Variants in TMEM41A observed in about 807,000 individuals in gnomAD.
TMEM41A encodes the protein transmembrane protein 41A.
A neutral mutation model predicts 25.7 loss-of-function variants in TMEM41A; 20 were observed. The ratio of observed to expected loss-of-function variants is 0.78; its 90% CI spans 0.55 to 1.13. The LOEUF is 1.13. Ranked by LOEUF, TMEM41A falls within the 50% of genes most tolerant of loss-of-function variation. The pLI, the probability that TMEM41A is intolerant of heterozygous loss-of-function variation, is 0.00. For synonymous variants in TMEM41A, 133 were observed against 139.6 expected, an observed-to-expected ratio of 0.95 and a Z score of 0.33; for missense variants, 299 against 314.3, an observed-to-expected ratio of 0.95 and a Z score of 0.37.
intron 4 of TMEM41A, chr3:185,492,625 C>G (rs912357887): frequency 6.6e-6 from 1 of 152,188 alleles, no homozygotes; most frequent in Non-Finnish European, 1.5e-5. Flanking sequence ...GTTAAAAAAC[C>G]ACATCCTTGG....
At chr3:185,498,767 G>A (rs1719187114) in intron 1 of TMEM41A, 76 bp downstream of exon 1, 3 of 1,108,338 alleles carry the variant, frequency 2.7e-6, no homozygotes, top group Non-Finnish European at 3.8e-6. Context: ...CCGAATCTCC[G>A]AATCTCCGAT....
At chr3:185,494,449 G>A in intron 4 of TMEM41A, 174 bp downstream of exon 4, 2 of 732,144 alleles carry the variant, frequency 2.7e-6, no homozygotes, top group East Asian at 5.8e-5. Context: ...TTTTCATGTT[G>A]AAGCCTGAGC....
At chr3:185,498,637 C>G in intron 1 of TMEM41A, 1 of 543,796 alleles carries the variant, frequency 1.8e-6, no homozygotes, top group Non-Finnish European at 3.2e-6. Flanking sequence ...CCAGTCAGGC[C>G]CGGAGCCGGG....
intron 3 of TMEM41A, 175 bp downstream of exon 3, chr3:185,494,979 G>C: frequency 1.1e-6 from 1 of 945,806 alleles, no homozygotes. Context: ...GGTAATGATG[G>C]AGCTGGGATT....
chr3:185,492,355 CAGA>C (rs1560146444), intron 4 of TMEM41A: 3 of 151,912 alleles, frequency 2.0e-5, no homozygotes, highest in African/African-American at 2.4e-5. Flanking sequence ...AAAATGCGTG[CAGA>C]AGAATACAAG....
rs747675430 is a variant in TMEM41A, at chr3:185,498,876, C to G, written c.86G>C (p.Arg29Pro). The change falls in exon 1 of 5, where the codon CGG becomes CCG. Residue 29 changes from arginine (R) to proline (P), a missense_variant. Physicochemically the swap from Arg to Pro is moderately radical, Grantham distance 103. Coordinates refer to ENST00000421852, the MANE Select transcript of TMEM41A (RefSeq NM_080652.4). Reference protein sequence around the residue: ...YLLSTRLPRGRRLGSTEEAGG... With the variant: ...YLLSTRLPRGPRLGSTEEAGG... ...AGCCTCCTCGGTGGAGCCCAGTCTC[C>G]GCCCGCGGGGCAGTCGCGTCGACAG... 1.2e-6 allele frequency: 2 copies of G among 1,606,178 alleles called. No individual in the cohort carries two copies. Among genetic ancestry groups the G allele is most frequent in the Middle Eastern group, 3.3e-4 (2 of 6,014 alleles).
At chr3:185,491,853 T>C (rs1040556767) in intron 4 of TMEM41A, 96 bp from the exon 5 acceptor site, 5 of 915,572 alleles carry the variant, frequency 5.5e-6, no homozygotes, top group Non-Finnish European at 8.1e-6. Flanking sequence ...ACTACGGTTT[T>C]TTTTTGCTTG....
intron 1 of TMEM41A, 65 bp downstream of exon 1, chr3:185,498,778 T>A: frequency 1.6e-6 from 2 of 1,219,188 alleles, no homozygotes. Context: ...AATCTCCGAT[T>A]CCCAGCCCCG....
chr3:185,492,352 G>T (rs375740674), intron 4 of TMEM41A: 5 of 151,892 alleles, frequency 3.3e-5, no homozygotes, highest in Admixed American at 2.6e-4. Flanking sequence ...AGCAAAATGC[G>T]TGCAGAAGAA....
Position 185,496,838 on chromosome 3 carries a change from G to A in TMEM41A, c.263C>T (p.Ser88Phe), listed in dbSNP as rs200806971. 9.1e-5 allele frequency: 147 copies of A among 1,606,806 alleles called. No individual in the cohort carries two copies. The highest frequency in any genetic ancestry group is 1.7e-4 in the Middle Eastern group (1 of 6,058). Residue 88 changes from serine to phenylalanine, a missense_variant, in exon 2 of 5, where the codon TCC (serine) becomes TTC (phenylalanine). Coordinates refer to ENST00000421852, the MANE Select transcript of TMEM41A (RefSeq NM_080652.4). ...LYKQGFAIPG[S>F]SFLNVLAGAL... The stretch of plus-strand genomic sequence containing the variant: ...GGGCAGGACACTGACCAGGAAGCTG[G>A]AGCCGGGGATGGCAAAGCCCTGTTT...
rs780804529 is a variant in TMEM41A at position 185,498,869 on chromosome 3, C to T, written c.93G>A (p.Leu31=). ...LSTRLPRGRR[L]GSTEEAGGRS... ...TGCCTCCAGCCTCCTCGGTGGAGCC[C>T]AGTCTCCGCCCGCGGGGCAGTCGCG... is the stretch of plus-strand genomic sequence containing the variant. Residue 31 remains leucine (L), a synonymous_variant, in exon 1 of 5, where the codon CTG becomes CTA. Transcript: ENST00000421852. 1.2e-6 allele frequency: 2 copies of T among 1,606,288 alleles called. No homozygotes were observed. Among genetic ancestry groups the T allele is most frequent in the Non-Finnish European group, 1.7e-6 (2 of 1,177,220 alleles).
rs769344532 is a variant in TMEM41A, at chr3:185,494,723, CAAT to C, written c.471_473del (p.Leu158del). The C allele has an allele frequency of 5.7e-4, 915 of 1,609,760 alleles. No homozygotes were observed. The highest frequency in any genetic ancestry group is 7.2e-4 in the Non-Finnish European group (854 of 1,178,816). ...GTGTCATGGGGAAAAGTCTCAAAAA[CAAT>C]AAGAAAAAAAACAAGCTGTTTCTGT... On this transcript the variant is annotated inframe_deletion, in exon 4 of 5. Transcript: ENST00000421852.
chr3:185,493,268 C>G (rs1027970114), intron 4 of TMEM41A: 2 of 152,166 alleles, frequency 1.3e-5, no homozygotes, highest in East Asian at 3.8e-4. Context: ...CTTATCTGGA[C>G]GAGTAGCCCG....
intron 3 of TMEM41A, 173 bp downstream of exon 3, chr3:185,494,981 G>A (rs974345158): frequency 3.2e-6 from 3 of 941,028 alleles, no homozygotes; most frequent in African/African-American, 1.6e-5. Flanking sequence ...TAATGATGGA[G>A]CTGGGATTTG....
chr3:185,498,601 A>G (rs1577653827), intron 1 of TMEM41A: 1 of 453,120 alleles, frequency 2.2e-6, no homozygotes, highest in South Asian at 3.4e-5. Context: ...CGCCCTGCAC[A>G]CCCTGCAGCC....
rs750100707 is a variant in TMEM41A, at chr3:185,494,656, G to A, written c.541C>T (p.Pro181Ser). Residue 181 changes from proline to serine, a missense_variant, in exon 4 of 5, where the codon CCC becomes TCC. Coordinates refer to ENST00000421852, the MANE Select transcript of TMEM41A (RefSeq NM_080652.4). ...LNLSAPILNI[P>S]IVQFFFSVLI... ...ACTGAGAAGAAGAACTGCACGATGG[G>A]AATGTTCAGAATTGGGGCCGAGAGG... 1 of 1,611,080 alleles carries A rather than the reference G, an allele frequency of 6.2e-7. No individual in the cohort carries two copies. The highest frequency in any genetic ancestry group is 8.5e-7 in the Non-Finnish European group (1 of 1,178,906).
At chr3:185,496,635 C>A in intron 2 of TMEM41A, 193 bp downstream of exon 2, 1 of 681,128 alleles carries the variant, frequency 1.5e-6, no homozygotes, top group Non-Finnish European at 2.5e-6. Flanking sequence ...GGAAGCAGTA[C>A]AAAAGGAAGC....
At chr3:185,496,535 T>C in intron 2 of TMEM41A, 1 of 427,116 alleles carries the variant, frequency 2.3e-6, no homozygotes, top group South Asian at 2.2e-5. Flanking sequence ...CTCTTGGACA[T>C]GTTTGCTTTT....
chr3:185,491,872 C>A lies in TMEM41A; in HGVS notation c.575-115G>T, dbSNP rs1718969042. ...CGGTTTTTTTTTGCTTGACTCTTGA[C>A]CCTTATACATATTAACTCTTTCCCT... On this transcript the variant is annotated intron_variant, in intron 4 of 4. Transcript: ENST00000421852. The A allele has an allele frequency of 2.2e-5, 15 of 688,688 alleles. 1 individual carries two copies. In the South Asian group the frequency reaches 2.8e-4, roughly 13 times the overall value. 42.7% of individuals were successfully genotyped at this position (688,688 alleles called of 1,614,324 possible). A position where few individuals can be genotyped will look rare whatever the true frequency, so the allele number is the denominator to read the frequency against.
Sources: gnomAD v4.1 joint callset for allele counts on GRCh38, gnomAD v4.1.1 for gene constraint, MANE v1.5 for transcripts, NCBI Gene and HGNC (gene_info 2026-07-23, HGNC 2026-07-21) for gene names.